The following MED27 variants were observed in gnomAD, a reference collection of about 807,000 sequenced individuals.
MED27 encodes the protein mediator of RNA polymerase II transcription subunit 27.
MED27 carries 30 observed loss-of-function variants against 38.2 expected under a neutral mutation model. The ratio of observed to expected loss-of-function variants is 0.79; its 90% CI spans 0.59 to 1.07. MED27 has a LOEUF of 1.07. Ranked by LOEUF, MED27 falls within the 50% of genes least tolerant of loss-of-function variation. The pLI is 0.00. For synonymous variants in MED27, 122 were observed against 153.5 expected (o/e 0.79, Z 1.52); for missense variants, 289 against 397.5 (o/e 0.73, Z 2.32).
intron 4 of MED27, among the ~76,000 whole-genome samples, chr9:131,900,957 G>C (rs1015163656): frequency 1.3e-5 from 2 of 149,360 alleles, no homozygotes; most frequent in Admixed American, 6.7e-5. Context: ...GAGAAAAAGA[G>C]GGTAAGGGAG....
intron 6 of MED27, among the ~76,000 whole-genome samples, chr9:131,879,602 G>C (rs540672968): frequency 9.8e-5 from 15 of 152,312 alleles, no homozygotes; most frequent in African/African-American, 3.1e-4. Flanking sequence ...TCTTCAGCCT[G>C]AGCAATCTCC....
intron 2 of MED27, among the ~76,000 whole-genome samples, chr9:132,054,376 G>T (rs1833529681): frequency 6.6e-6 from 1 of 152,198 alleles, no homozygotes; most frequent in African/African-American, 2.4e-5. Flanking sequence ...CTCAGCAGAT[G>T]TCCCGCCACG....
At chr9:131,942,550 T>C (rs1047010387) in intron 3 of MED27, among the ~76,000 whole-genome samples, 2 of 152,192 alleles carry the variant, frequency 1.3e-5, no homozygotes, top group African/African-American at 2.4e-5. Context: ...CTTCTGAACA[T>C]TGAGGCTATT....
chr9:132,073,414 C>A, intron 2 of MED27: 1 of 1,074,400 alleles, frequency 9.3e-7, no homozygotes, highest in Non-Finnish European at 1.1e-6. Flanking sequence ...TTACAGTGTA[C>A]CAGGCGCCTT....
At chr9:132,034,594 A>G (rs994931167) in intron 2 of MED27, among the ~76,000 whole-genome samples, 3 of 152,192 alleles carry the variant, frequency 2.0e-5, no homozygotes, top group Non-Finnish European at 4.4e-5. Context: ...TCAAGAATGG[A>G]ACCTCAGCGC....
chr9:131,958,862 A>T (rs1831157894), intron 3 of MED27, among the ~76,000 whole-genome samples: 1 of 152,220 alleles, frequency 6.6e-6, no homozygotes, highest in South Asian at 2.1e-4. Context: ...GTTCAGAGAT[A>T]GCTGGAGAGG....
chr9:132,077,892 A>T (rs1564352414), intron 1 of MED27, among the ~76,000 whole-genome samples: 1 of 152,162 alleles, frequency 6.6e-6, no homozygotes, highest in African/African-American at 2.4e-5. Flanking sequence ...TGCAGTGGGG[A>T]GGAGACTTTC....
At chr9:131,930,051 C>G (rs1830556240) in intron 4 of MED27, among the ~76,000 whole-genome samples, 1 of 149,630 alleles carries the variant, frequency 6.7e-6, no homozygotes, top group East Asian at 1.9e-4. Context: ...AGAGAGGCTC[C>G]CTTTGTTTGG....
rs1197972680 is a variant in MED27 at position 131,883,405 on chromosome 9, C to T, written c.723+653G>A. On this transcript the variant is annotated intron_variant, in intron 6 of 7. Coordinates refer to ENST00000292035, the MANE Select transcript of MED27 (RefSeq NM_004269.4). The surrounding 1 kb of genome is among the most constrained non-coding windows in gnomAD (Gnocchi z 4.2). ...GCCTGAGTTAGTCCAGGGAAGGGGC[C>T]CTGCACTGTCAGGAGCTGGGGAAAT... Among the ~76,000 whole-genome samples the T allele has an allele frequency of 6.6e-6, 1 of 152,130 alleles. No homozygotes were observed. Among genetic ancestry groups the T allele is most frequent in the East Asian group, 1.9e-4 (1 of 5,188 alleles).
intron 3 of MED27, among the ~76,000 whole-genome samples, chr9:131,953,245 CCT>C (rs1438643566): frequency 6.6e-6 from 1 of 152,232 alleles, no homozygotes; most frequent in Non-Finnish European, 1.5e-5. Context: ...TTTTCTGCTG[CCT>C]CTCTTATTTC....
chr9:131,916,800 G>T (rs1830297833), intron 4 of MED27, among the ~76,000 whole-genome samples: 1 of 152,086 alleles, frequency 6.6e-6, no homozygotes, highest in Non-Finnish European at 1.5e-5. Context: ...GATACTGTAG[G>T]TACCATCAAA....
chr9:131,971,072 GCAA>G (rs1831465667), intron 3 of MED27, among the ~76,000 whole-genome samples: 1 of 152,114 alleles, frequency 6.6e-6, no homozygotes, highest in Admixed American at 6.5e-5. Flanking sequence ...CATTCCAGTA[GCAA>G]CAACAAAAAA....
At chr9:131,885,627 A>T (rs1414014000) in intron 5 of MED27, among the ~76,000 whole-genome samples, 3 of 152,216 alleles carry the variant, frequency 2.0e-5, no homozygotes, top group Non-Finnish European at 4.4e-5. Context: ...ACTTGGTCAC[A>T]CACAGGGTAC....
intron 2 of MED27, among the ~76,000 whole-genome samples, chr9:132,030,892 G>A (rs1395265632): frequency 6.6e-6 from 1 of 152,226 alleles, no homozygotes; most frequent in East Asian, 1.9e-4. Context: ...GCAACAGAAA[G>A]AGAGGTCAAC....
chr9:131,948,507 A>AC (rs1366071408), intron 3 of MED27, among the ~76,000 whole-genome samples: 2 of 151,988 alleles, frequency 1.3e-5, no homozygotes, highest in African/African-American at 2.4e-5. Context: ...AAAAACAAAA[A>AC]AAAAAAACAA....
chr9:131,893,441 G>C (rs1839261201), intron 5 of MED27, among the ~76,000 whole-genome samples: 1 of 152,164 alleles, frequency 6.6e-6, no homozygotes, highest in Non-Finnish European at 1.5e-5. Context: ...ATGCTGCTGT[G>C]CACAGCCACT....
intron 3 of MED27, among the ~76,000 whole-genome samples, chr9:132,008,395 C>A (rs903592068): frequency 1.3e-5 from 2 of 152,192 alleles, no homozygotes; most frequent in South Asian, 2.1e-4. Flanking sequence ...AGCCTCTTTA[C>A]GGAAACGATA....
At chr9:132,033,711 T>C (rs765912724) in intron 2 of MED27, among the ~76,000 whole-genome samples, 19 of 152,214 alleles carry the variant, frequency 1.2e-4, no homozygotes, top group Non-Finnish European at 2.5e-4. Flanking sequence ...GGGCTTTTTG[T>C]TTTTGCTTTT....
intron 3 of MED27, among the ~76,000 whole-genome samples, chr9:131,947,336 G>A (rs1830905151): frequency 6.6e-6 from 1 of 152,120 alleles, no homozygotes; most frequent in South Asian, 2.1e-4. Context: ...TGCAGCTCCA[G>A]AATCCCTGCA....
Sources: gnomAD v4.1 joint callset for allele counts (sites outside exome capture counted in the v4.1 genomes callset) on GRCh38, gnomAD v4.1.1 for gene constraint, Gnocchi (gnomAD v3.1) non-coding constraint, MANE v1.5 for transcripts, NCBI Gene and HGNC (gene_info 2026-07-23, HGNC 2026-07-21) for gene names.